DENND1A: variants seen among roughly 807,000 people sequenced by gnomAD.
DENND1A encodes DENN domain-containing protein 1A.
Under a neutral mutation model 113.7 loss-of-function variants are expected in DENND1A, and 51 were observed. That is an observed-to-expected ratio of 0.45 (90% CI 0.36 to 0.57). The LOEUF (loss-of-function observed/expected upper bound fraction) is 0.57, where lower values mean the gene tolerates loss of function less well. Ranked by LOEUF, DENND1A falls within the 20% of genes least tolerant of loss-of-function variation. The pLI is 0.00. For synonymous variants in DENND1A, 565 were observed against 570.8 expected, an observed-to-expected ratio of 0.99 and a Z score of 0.14; for missense variants, 1,258 against 1,395.9, an observed-to-expected ratio of 0.90 and a Z score of 1.57.
Position 123,667,038 on chromosome 9 carries a change from G to T in DENND1A, c.495C>A (p.Ser165Arg), listed in dbSNP as rs1159648110. Residue 165 changes from serine to arginine, a missense_variant, in exon 8 of 24, where the codon AGC becomes AGA. Ser to Arg is a moderately radical substitution (Grantham distance 110). Transcript: ENST00000394215. ...FTVPDTRELP[S>R]IPENRNLTEY... ...CCCAAGTACTTACATTCTCAGGTAT[G>T]CTGGGAAGTTCTCTGGTATCAGGCA... 1.9e-6 allele frequency: 3 copies of T among 1,596,430 alleles called. No homozygotes were observed. The highest frequency in any genetic ancestry group is 2.6e-6 in the Non-Finnish European group (3 of 1,174,556).
intron 2 of DENND1A, among the ~76,000 whole-genome samples, chr9:123,861,733 A>T (rs1845080686): frequency 6.6e-6 from 1 of 152,196 alleles, no homozygotes; most frequent in Non-Finnish European, 1.5e-5. Context: ...TGAAGATGTC[A>T]AGCTCCTTTA....
At chr9:123,695,313 A>G (rs1408071572) in intron 5 of DENND1A, among the ~76,000 whole-genome samples, 1 of 152,198 alleles carries the variant, frequency 6.6e-6, no homozygotes, top group Admixed American at 6.5e-5. Flanking sequence ...TTAAAAGTCC[A>G]TACGCTAAAT....
At chr9:123,413,722 G>C in intron 19 of DENND1A, 4 of 985,536 alleles carry the variant, frequency 4.1e-6, no homozygotes, top group Non-Finnish European at 4.8e-6. Flanking sequence ...TGACCCTTCA[G>C]CTGACAGCTA....
intron 2 of DENND1A, among the ~76,000 whole-genome samples, chr9:123,831,770 G>T (rs529485121): frequency 6.6e-6 from 1 of 152,162 alleles, no homozygotes; most frequent in African/African-American, 2.4e-5. Flanking sequence ...ATCACTTGAG[G>T]TCAGGTGTTC....
At chr9:123,588,359 T>A (rs968825306) in intron 11 of DENND1A, among the ~76,000 whole-genome samples, 4 of 148,134 alleles carry the variant, frequency 2.7e-5, no homozygotes, top group Non-Finnish European at 6.0e-5. Context: ...TGGCTCACGC[T>A]TGTAATCTCA....
intron 8 of DENND1A, among the ~76,000 whole-genome samples, chr9:123,656,235 T>G (rs2062939844): frequency 1.4e-5 from 2 of 144,940 alleles, no homozygotes; most frequent in East Asian, 2.0e-4. Flanking sequence ...GGGAAGAGAG[T>G]GAGAGGCAGG....
At chr9:123,655,015 T>C (rs943711129) in intron 8 of DENND1A, among the ~76,000 whole-genome samples, 1 of 152,194 alleles carries the variant, frequency 6.6e-6, no homozygotes, top group Non-Finnish European at 1.5e-5. Context: ...AGGCCTGCCA[T>C]GTCCTGAGAG....
At chr9:123,424,339 A>G (rs1403514198) in intron 19 of DENND1A, among the ~76,000 whole-genome samples, 1 of 152,144 alleles carries the variant, frequency 6.6e-6, no homozygotes, top group Non-Finnish European at 1.5e-5. Flanking sequence ...GCCCTGTGCT[A>G]TTCTATGATC....
At chr9:123,383,970 G>A (rs2042424904) in intron 22 of DENND1A, 57 bp from the exon 23 acceptor site, 4 of 1,565,538 alleles carry the variant, frequency 2.6e-6, no homozygotes, top group Admixed American at 3.4e-5. Flanking sequence ...GGAGGAGCAA[G>A]CGGACTCCAG....
At chr9:123,416,429 C>T (rs1278480384) in intron 19 of DENND1A, among the ~76,000 whole-genome samples, 5 of 152,198 alleles carry the variant, frequency 3.3e-5, no homozygotes, top group African/African-American at 1.2e-4. Context: ...CTTTCCACCG[C>T]TGAAGGAAAG....
At chr9:123,471,337 G>A (rs1035552842) in intron 13 of DENND1A, among the ~76,000 whole-genome samples, 1 of 152,154 alleles carries the variant, frequency 6.6e-6, no homozygotes, top group African/African-American at 2.4e-5. Flanking sequence ...GGGCTGTGTG[G>A]GGATTGACAA....
chr9:123,584,274 C>A (rs950370681), intron 11 of DENND1A, among the ~76,000 whole-genome samples: 2 of 152,214 alleles, frequency 1.3e-5, no homozygotes, highest in African/African-American at 4.8e-5. Context: ...TACACCAGGG[C>A]AACAGGCACA....
intron 1 of DENND1A, among the ~76,000 whole-genome samples, chr9:123,896,156 T>TA (rs757000161): frequency 4.0e-5 from 6 of 151,292 alleles, no homozygotes; most frequent in Non-Finnish European, 8.8e-5. Flanking sequence ...AAAAAAAAAT[T>TA]AAAAAATCAG....
intron 1 of DENND1A, 125 bp downstream of exon 1, chr9:123,929,764 G>C (rs1278354974): frequency 6.2e-6 from 1 of 162,058 alleles, no homozygotes; most frequent in African/African-American, 2.5e-5. Flanking sequence ...CCCGCGTGCC[G>C]GCGTCACGCG....
intron 10 of DENND1A, among the ~76,000 whole-genome samples, chr9:123,615,369 G>A (rs946579169): frequency 6.6e-6 from 1 of 152,264 alleles, no homozygotes; most frequent in Non-Finnish European, 1.5e-5. Context: ...CGGGGATCAA[G>A]CAAGCTTCTT....
chr9:123,381,831 G>A lies in DENND1A; in HGVS notation c.2814C>T (p.Phe938=). 1 of 1,504,914 alleles carries A rather than the reference G, an allele frequency of 6.6e-7. No homozygotes were observed. Among genetic ancestry groups the A allele is most frequent in the Non-Finnish European group, 8.9e-7 (1 of 1,127,686 alleles). The allele number at this position is 1,504,914 out of a possible 1,614,324, so 93.2% of individuals were successfully genotyped here. A position where few individuals can be genotyped will look rare whatever the true frequency, so the allele number is the denominator to read the frequency against. Residue 938 remains phenylalanine, a synonymous_variant, in exon 24 of 24, where the codon TTC becomes TTT. Transcript: ENST00000394215. This position sits in a 1 kb window ranked among gnomAD's most constrained non-coding sequence, Gnocchi z 4.7. Reference sequence around the variant, plus strand: ...TGGGCTGAGACCTGTGAGGGGCACAGAAGCCAGCACTGGACAGCAGGAGGC... The same window carrying A: ...TGGGCTGAGACCTGTGAGGGGCACAAAAGCCAGCACTGGACAGCAGGAGGC... ...ASGLLLSSAG[F]CAPHRSQPNL...
At chr9:123,568,762 CCCAAGGGGAT>C (rs1307701866) in intron 12 of DENND1A, among the ~76,000 whole-genome samples, 2 of 152,188 alleles carry the variant, frequency 1.3e-5, no homozygotes, top group Non-Finnish European at 2.9e-5. Context: ...CGAGATATCT[CCCAAGGGGAT>C]CCGGGCATCT....
chr9:123,547,695 T>C (rs1029460456), intron 13 of DENND1A, among the ~76,000 whole-genome samples: 6 of 152,198 alleles, frequency 3.9e-5, no homozygotes, highest in African/African-American at 1.4e-4. Context: ...TTCAAATCCT[T>C]TATGTATCAT....
In DENND1A at chr9:123,547,999, C is replaced by A. The variant is rs2056812679; in HGVS notation, c.993+9571G>T. Among the ~76,000 whole-genome samples the A allele has an allele frequency of 2.0e-5, 3 of 152,198 alleles. No homozygotes were observed. In the South Asian group the frequency reaches 6.2e-4, roughly 32 times the overall value. On this transcript the variant is annotated intron_variant, in intron 13 of 23. Transcript: ENST00000394215. ...CCTGCTAGCTAGGCATTATTTACAT[C>A]TTACACATGAGAAAAGTGAGTCTCA...
Sources: gnomAD v4.1 joint callset for allele counts (sites outside exome capture counted in the v4.1 genomes callset) on GRCh38, gnomAD v4.1.1 for gene constraint, Gnocchi (gnomAD v3.1) non-coding constraint, MANE v1.5 for transcripts, NCBI Gene and HGNC (gene_info 2026-07-23, HGNC 2026-07-21) for gene names.